The following PRPH2 variants were observed in gnomAD, a reference collection of about 807,000 sequenced individuals.
PRPH2 encodes peripherin 2, also known as peripherin-2.
In PRPH2, 17 loss-of-function variants were observed where a neutral mutation model predicts 31.3. The observed-to-expected ratio is 0.54, with a 90% confidence interval of 0.37 to 0.81. PRPH2 has a LOEUF of 0.81. Ranked by LOEUF, PRPH2 falls within the 40% of genes least tolerant of loss-of-function variation. The pLI is 0.00. For missense variants in PRPH2, 430 were observed against 439.7 expected (o/e 0.98, Z 0.20); for synonymous variants, 165 against 184.4 (o/e 0.89, Z 0.85).
At chr6:42,701,119 T>C (rs1242934957) in intron 2 of PRPH2, among the ~76,000 whole-genome samples, 1 of 151,674 alleles carries the variant, frequency 6.6e-6, no homozygotes, top group Admixed American at 6.6e-5. Context: ...GGACTACATG[T>C]GTGCACCACC....
chr6:42,705,851 C>T (rs542381610), intron 1 of PRPH2, among the ~76,000 whole-genome samples: 7 of 148,602 alleles, frequency 4.7e-5, no homozygotes, highest in Middle Eastern at 3.5e-3. Flanking sequence ...CCCAGCTACT[C>T]GGGAGGCTGA....
intron 1 of PRPH2, among the ~76,000 whole-genome samples, chr6:42,717,548 G>A (rs571082575): frequency 1.3e-5 from 2 of 152,248 alleles, no homozygotes; most frequent in Non-Finnish European, 2.9e-5. Flanking sequence ...CTCAGTGCTT[G>A]TGATCTCAAA....
At chr6:42,709,334 TA>T (rs58632063) in intron 1 of PRPH2, among the ~76,000 whole-genome samples, 1,175 of 77,036 alleles carry the variant, frequency 0.015, 22 homozygotes, top group Middle Eastern at 0.053. Context: ...TGTCTCAAAT[TA>T]AAAAAAAAAA....
intron 2 of PRPH2, 136 bp from the exon 3 acceptor site, chr6:42,698,643 C>T: frequency 8.0e-7 from 1 of 1,244,840 alleles, no homozygotes; most frequent in Non-Finnish European, 1.1e-6. Context: ...GGGTTGGTGA[C>T]AGCCTGCCCC....
At position 42,698,159 on chromosome 6, in the gene PRPH2, C is replaced by A; in HGVS notation, c.*136G>T. On this transcript the variant is annotated 3_prime_UTR_variant, in exon 3 of 3. Coordinates refer to ENST00000230381, the MANE Select transcript of PRPH2 (RefSeq NM_000322.5). ...TTTTAGGGACCCTAAACTTAAATTC[C>A]ACCGTCAGGGAGAGTCTCTGTAAGA... The A allele has an allele frequency of 8.1e-7, 1 of 1,227,740 alleles. No individual in the cohort carries two copies. 76.1% of individuals were successfully genotyped at this position (1,227,740 alleles called of 1,614,324 possible).
rs1286523652 is a variant in PRPH2, at chr6:42,704,505, T to C, written c.688A>G (p.Asn230Asp). Residue 230 changes from asparagine to aspartate, a missense_variant, in exon 2 of 3, where the codon AAC becomes GAC. Transcript: ENST00000230381. ...TGGTCGTAACTGTAGTGTGCTGAGT[T>C]GTTGGTGATCTGATACTGGATGCAG... ...RPCIQYQITN[N>D]SAHYSYDHQT... is the part of the protein sequence containing the mutation. 6.2e-7 allele frequency: 1 copy of C among 1,614,132 alleles called. No individual in the cohort carries two copies. The highest frequency in any genetic ancestry group is 1.7e-5 in the Admixed American group (1 of 60,028).
Position 42,716,395 on chromosome 6 carries a change from A to ATT in PRPH2, c.581+5357_581+5358dup, listed in dbSNP as rs201231118. On this transcript the variant is annotated intron_variant, in intron 1 of 2. Coordinates refer to ENST00000230381, the MANE Select transcript of PRPH2 (RefSeq NM_000322.5). ...AGCAACAGAGTAAGACCCTATCTCT[A>ATT]TTTTTTTTTTTTAAGAAAAGAATTT... Among the ~76,000 whole-genome samples the ATT allele has an allele frequency of 8.4e-4, 124 of 146,766 alleles. 1 individual carries two copies. The highest frequency in any genetic ancestry group is 3.5e-3 in the Middle Eastern group (1 of 286).
intron 1 of PRPH2, among the ~76,000 whole-genome samples, chr6:42,705,619 TATATATATATA>T (rs1800148632): frequency 8.1e-6 from 1 of 123,452 alleles, no homozygotes; most frequent in Non-Finnish European, 1.7e-5. Flanking sequence ...TATATATATA[TATATATATATA>T]TTTGTGCACT....
At chr6:42,716,620 T>G (rs548641112) in intron 1 of PRPH2, among the ~76,000 whole-genome samples, 68,279 of 129,378 alleles carry the variant, frequency 0.53, 17,750 homozygotes, top group Middle Eastern at 0.56. Flanking sequence ...TGGTTTTTTT[T>G]TTTTTTTTTT....
chr6:42,698,459 C>A lies in PRPH2; in HGVS notation c.877G>T (p.Val293Leu). 6.2e-7 allele frequency: 1 copy of A among 1,614,182 alleles called. No homozygotes were observed. The highest frequency in any genetic ancestry group is 8.5e-7 in the Non-Finnish European group (1 of 1,180,016). The change falls in exon 3 of 3, where the codon GTG becomes TTG. Residue 293 changes from valine (V) to leucine (L), a missense_variant. Transcript: ENST00000230381. The stretch of plus-strand genomic sequence containing the variant: ...CTCTCAGATTCCTCGGGGTTGGACA[C>A]ACCATCCAGCGACGTCTGTAGGTAG... ...LRYLQTSLDG[V>L]SNPEESESES... is the part of the protein sequence containing the mutation.
At chr6:42,714,347 A>G (rs1206207811) in intron 1 of PRPH2, among the ~76,000 whole-genome samples, 1 of 152,116 alleles carries the variant, frequency 6.6e-6, no homozygotes, top group Non-Finnish European at 1.5e-5. Flanking sequence ...AGGGGGAGGG[A>G]AGGCTAGGGA....
chr6:42,698,286 C>G lies in PRPH2; in HGVS notation c.*9G>C. 1 of 1,613,574 alleles carries G rather than the reference C, an allele frequency of 6.2e-7. No homozygotes were observed. ...CTCAGTGTTCGGGAGGGGAGGGGCC[C>G]CAGGGCCCTCAGCCAGCCTCTGGGG... On this transcript the variant is annotated 3_prime_UTR_variant, in exon 3 of 3. Transcript: ENST00000230381.
chr6:42,701,716 G>A (rs1032044455), intron 2 of PRPH2, among the ~76,000 whole-genome samples: 1 of 71,842 alleles, frequency 1.4e-5, no homozygotes, highest in African/African-American at 5.0e-5. Flanking sequence ...TTTTAGTAGA[G>A]ATGAGGGCTC....
intron 1 of PRPH2, chr6:42,711,834 C>T (rs1386851257): frequency 2.0e-6 from 2 of 985,208 alleles, no homozygotes; most frequent in Admixed American, 1.2e-4. Flanking sequence ...GACTGGGGAC[C>T]CCAGGCTGGG....
chr6:42,705,488 C>T (rs886892691), intron 1 of PRPH2, among the ~76,000 whole-genome samples: 2 of 145,270 alleles, frequency 1.4e-5, no homozygotes, highest in Non-Finnish European at 3.0e-5. Flanking sequence ...TTTGTAAGGC[C>T]GAGGCGGGAG....
intron 1 of PRPH2, among the ~76,000 whole-genome samples, chr6:42,713,998 C>T (rs893101274): frequency 2.1e-4 from 31 of 150,348 alleles, no homozygotes; most frequent in African/African-American, 4.9e-5. Context: ...TCCCGTACCC[C>T]AAGCAGCCTG....
At position 42,717,142 on chromosome 6, in the gene PRPH2, G is replaced by A. The variant is rs555386280; in HGVS notation, c.581+4612C>T. The stretch of plus-strand genomic sequence containing the variant: ...TAAAAAGATTTTGTGGCCAGGAGCG[G>A]TGGCTCATGCCTGTAATCCCAGCAC... On this transcript the variant is annotated intron_variant, in intron 1 of 2. Transcript: ENST00000230381. Among the ~76,000 whole-genome samples the A allele has an allele frequency of 4.0e-5, 6 of 150,266 alleles. No homozygotes were observed. The East Asian group carries it at 1.2e-3, about 31-fold the overall frequency.
Position 42,721,968 on chromosome 6 carries a change from G to A in PRPH2, c.367C>T (p.Arg123Trp), listed in dbSNP as rs563581127. 1.2e-4 allele frequency: 199 copies of A among 1,614,088 alleles called. 1 individual carries two copies. The highest frequency in any genetic ancestry group is 1.4e-4 in the South Asian group (13 of 91,074). The change falls in exon 1 of 3, where the codon CGG becomes TGG. Residue 123 changes from arginine (R) to tryptophan (W), a missense_variant. By Grantham distance (101) the Arg-to-Trp change is moderately radical (BLOSUM62 -3). Transcript: ENST00000230381. ...FLVALCCFLL[R>W]GSLENTLGQG... is the part of the protein sequence containing the mutation. ...CCCAGGGTGTTCTCCAGCGAGCCCC[G>A]AAGCAGAAAGCAGCAGAGAGCCACA... is the stretch of plus-strand genomic sequence containing the variant.
intron 2 of PRPH2, among the ~76,000 whole-genome samples, chr6:42,699,994 T>C (rs375218731): frequency 6.5e-4 from 97 of 148,400 alleles, no homozygotes; most frequent in African/African-American, 2.3e-3. Flanking sequence ...AGTCTCGCTC[T>C]GTCACCCAGG....
Sources: allele counts gnomAD v4.1 joint callset (sites outside exome capture counted in the v4.1 genomes callset), GRCh38; gene constraint gnomAD v4.1.1; transcripts MANE v1.5; gene names NCBI Gene and HGNC (gene_info 2026-07-23, HGNC 2026-07-21).